The following PAGE2B variants were observed in gnomAD, a reference collection of about 807,000 sequenced individuals.
PAGE2B encodes PAGE family member 2B, also known as putative G antigen family E member 3.
Under a neutral mutation model 7.6 loss-of-function variants are expected in PAGE2B, and 5 were observed. The ratio of observed to expected loss-of-function variants is 0.66; its 90% CI spans 0.34 to 1.38. The LOEUF is 1.38. Ranked by LOEUF, PAGE2B falls within the 40% of genes most tolerant of loss-of-function variation. The pLI, the probability that PAGE2B is intolerant of heterozygous loss-of-function variation, is 0.04. For missense variants in PAGE2B, 70 were observed against 78.4 expected, an observed-to-expected ratio of 0.89 and a Z score of 0.41; for synonymous variants, 29 against 26.7, an observed-to-expected ratio of 1.09 and a Z score of -0.27.
chrX:55,036,829 G>T, the PAGE2B span, among the ~76,000 whole-genome samples: 1 of 109,846 alleles, frequency 9.1e-6, no homozygotes, highest in African/African-American at 3.4e-5. Context: ...AAATGGTGCT[G>T]GGAAAACTGG....
intron 3 of PAGE2B, among the ~76,000 whole-genome samples, 177 bp from the exon 4 acceptor site, chrX:55,077,222 G>C (rs1936531409): frequency 8.9e-6 from 1 of 111,908 alleles, no homozygotes; most frequent in Admixed American, 9.4e-5. Context: ...GGCCAGCCTT[G>C]GGAAAGGAAA....
At chrX:55,061,131 A>G in the PAGE2B span, among the ~76,000 whole-genome samples, 1 of 111,227 alleles carries the variant, frequency 9.0e-6, no homozygotes, top group East Asian at 2.8e-4. Context: ...ATATTCTATA[A>G]AATCACAATA....
At chrX:55,042,653 C>CAA in the PAGE2B span, among the ~76,000 whole-genome samples, 169 of 11,862 alleles carry the variant, frequency 0.014, 45 homozygotes, top group African/African-American at 0.029. Flanking sequence ...GACTCCGTCT[C>CAA]AAAAAAAAAA....
the PAGE2B span, among the ~76,000 whole-genome samples, chrX:55,061,109 A>C: frequency 9.0e-6 from 1 of 111,401 alleles, no homozygotes; most frequent in African/African-American, 3.2e-5. Context: ...GTGAAAGTCC[A>C]GTGGGCTCCA....
At chrX:55,058,084 T>C in the PAGE2B span, among the ~76,000 whole-genome samples, 5 of 111,250 alleles carry the variant, frequency 4.5e-5, no homozygotes, top group Non-Finnish European at 9.4e-5. Context: ...GTCTCTATTG[T>C]TGCATTTTAA....
chrX:55,055,888 A>G, the PAGE2B span: 1 of 84,091 alleles, frequency 1.2e-5, no homozygotes, highest in African/African-American at 4.4e-5. Context: ...GGAAACTAGA[A>G]ATGCAGTCAT....
At chrX:55,044,730 C>T in the PAGE2B span, 3 of 112,106 alleles carry the variant, frequency 2.7e-5, no homozygotes, top group Non-Finnish European at 5.6e-5. Flanking sequence ...GTATCTACTA[C>T]AATGACTTCT....
At chrX:55,030,855 T>C in the PAGE2B span, 1,226 of 262,611 alleles carry the variant, frequency 4.7e-3, 15 homozygotes, top group African/African-American at 0.032. Context: ...AAGTCAGATC[T>C]ACTCAGACCA....
At chrX:55,061,270 G>C in the PAGE2B span, among the ~76,000 whole-genome samples, 1 of 110,374 alleles carries the variant, frequency 9.1e-6, no homozygotes, top group South Asian at 3.9e-4. Flanking sequence ...AGGTTCAAGG[G>C]GTACATTTGT....
At chrX:55,050,146 A>G in the PAGE2B span, among the ~76,000 whole-genome samples, 2 of 112,335 alleles carry the variant, frequency 1.8e-5, no homozygotes, top group African/African-American at 6.5e-5. Context: ...CCTGAGTTCT[A>G]GTTTGATTGC....
At chrX:55,031,866 T>C in the PAGE2B span, among the ~76,000 whole-genome samples, 1 of 111,737 alleles carries the variant, frequency 8.9e-6, no homozygotes, top group Non-Finnish European at 1.9e-5. Flanking sequence ...CCAGACAATT[T>C]CATCTTTAGA....
chrX:55,029,860 C>T, the PAGE2B span, among the ~76,000 whole-genome samples: 1,808 of 111,295 alleles, frequency 0.016, 37 homozygotes, highest in African/African-American at 0.056. Context: ...TGTGTCAGCA[C>T]CCAATCTGTA....
chrX:55,037,199 T>C, the PAGE2B span, among the ~76,000 whole-genome samples: 6 of 110,524 alleles, frequency 5.4e-5, no homozygotes, highest in African/African-American at 1.0e-4. Context: ...TCAAACAAAT[T>C]GACAAGAAAA....
chrX:55,071,658 C>T (rs781658172), upstream of PAGE2B, among the ~76,000 whole-genome samples: 1 of 111,955 alleles, frequency 8.9e-6, no homozygotes, highest in South Asian at 3.8e-4. Context: ...CAACATGATT[C>T]CATTCTCCCT....
At chrX:55,035,247 G>T in the PAGE2B span, among the ~76,000 whole-genome samples, 5 of 111,924 alleles carry the variant, frequency 4.5e-5, no homozygotes, top group Admixed American at 4.8e-4. Flanking sequence ...ACTATTTATA[G>T]TTTTTGTCTT....
the PAGE2B span, among the ~76,000 whole-genome samples, chrX:55,052,744 C>T: frequency 6.2e-5 from 7 of 112,973 alleles, no homozygotes; most frequent in African/African-American, 2.2e-4. Context: ...ATTCCCTGAC[C>T]CCTTGTGCTT....
chrX:55,039,050 T>C, the PAGE2B span, among the ~76,000 whole-genome samples: 1 of 111,707 alleles, frequency 9.0e-6, no homozygotes, highest in African/African-American at 3.3e-5. Flanking sequence ...ACTAGTAAGA[T>C]TTTTGGGGAG....
the PAGE2B span, among the ~76,000 whole-genome samples, chrX:55,048,895 T>G: frequency 4.4e-4 from 49 of 111,121 alleles, no homozygotes; most frequent in South Asian, 1.5e-3. Context: ...GTTTTCAAAG[T>G]GAATGCTTCC....
chrX:55,051,700 A>G, the PAGE2B span, among the ~76,000 whole-genome samples: 3 of 110,939 alleles, frequency 2.7e-5, no homozygotes, highest in African/African-American at 9.9e-5. Flanking sequence ...TATTCTAGTT[A>G]TCCAGTCGTC....
Sources: allele counts gnomAD v4.1 joint callset (sites outside exome capture counted in the v4.1 genomes callset), GRCh38; gene constraint gnomAD v4.1.1; transcripts MANE v1.5; gene names NCBI Gene and HGNC (gene_info 2026-07-23, HGNC 2026-07-21).